GAREM1: variants seen among roughly 807,000 people sequenced by gnomAD.
GAREM1 encodes GRB2 associated regulator of MAPK1 subtype 1.
A neutral mutation model predicts 71.3 loss-of-function variants in GAREM1; 26 were observed. That is an observed-to-expected ratio of 0.36 (90% CI 0.27 to 0.51). GAREM1 has a LOEUF of 0.51. GAREM1 is among the 20% of genes least tolerant of loss of function. The probability of loss-of-function intolerance (pLI) is 0.95; values close to 1 mark genes in which losing one functional copy is unlikely to be tolerated. For synonymous variants in GAREM1, 440 were observed against 433.2 expected, an observed-to-expected ratio of 1.02 and a Z score of -0.20; for missense variants, 1,026 against 1,103.1, an observed-to-expected ratio of 0.93 and a Z score of 0.99.
chr18:32,447,164 G>A lies in GAREM1; in HGVS notation c.121+23144C>T, dbSNP rs117995053. On this transcript the variant is annotated intron_variant, in intron 1 of 5. Transcript: ENST00000269209. The stretch of plus-strand genomic sequence containing the variant: ...ATCACCACCTAATTTACATTCAGTA[G>A]GAAGCTGTGCGTGGGTTTCTGATAA... Among the ~76,000 whole-genome samples, 649 of 152,282 alleles carry A rather than the reference G, an allele frequency of 4.3e-3. 3 individuals carry two copies. Among genetic ancestry groups the A allele is most frequent in the Non-Finnish European group, 6.6e-3 (450 of 68,030 alleles).
intron 1 of GAREM1, among the ~76,000 whole-genome samples, chr18:32,469,011 C>G (rs141202037): frequency 0.014 from 1,877 of 138,918 alleles, 53 homozygotes; most frequent in African/African-American, 0.047. Flanking sequence ...GTGATCTGCA[C>G]TTCATTACTA....
intron 1 of GAREM1, among the ~76,000 whole-genome samples, chr18:32,437,800 T>C (rs1377686984): frequency 1.3e-5 from 2 of 152,180 alleles, no homozygotes; most frequent in African/African-American, 2.4e-5. Context: ...CAATAGCAAA[T>C]ATAAGTTTTA....
intron 2 of GAREM1, among the ~76,000 whole-genome samples, chr18:32,317,264 G>C (rs667247): frequency 0.082 from 12,516 of 152,094 alleles, 552 homozygotes; most frequent in South Asian, 0.11. Flanking sequence ...AATCAGCCTA[G>C]AGTGGTGGCA....
At chr18:32,322,543 T>C (rs2047439484) in intron 2 of GAREM1, among the ~76,000 whole-genome samples, 1 of 152,274 alleles carries the variant, frequency 6.6e-6, no homozygotes, top group Non-Finnish European at 1.5e-5. Flanking sequence ...CTGCATTATC[T>C]ACAGATTTTT....
chr18:32,437,901 C>A (rs192332094), intron 1 of GAREM1, among the ~76,000 whole-genome samples: 41 of 152,222 alleles, frequency 2.7e-4, no homozygotes, highest in Admixed American at 1.6e-3. Flanking sequence ...CTGAGCTTAC[C>A]TTTAAGCAGC....
intron 1 of GAREM1, chr18:32,412,087 A>G (rs959670422): frequency 3.5e-5 from 25 of 723,580 alleles, no homozygotes; most frequent in Non-Finnish European, 5.4e-5. Flanking sequence ...TTTGTCTAAA[A>G]CATGTCTTCT....
chr18:32,374,958 A>G (rs9963404), intron 2 of GAREM1, among the ~76,000 whole-genome samples: 7,556 of 152,256 alleles, frequency 0.05, 615 homozygotes, highest in African/African-American at 0.17. Flanking sequence ...CTTAGAGATC[A>G]GATACCATTT....
chr18:32,351,785 T>C (rs1355688235), intron 2 of GAREM1, among the ~76,000 whole-genome samples: 1 of 152,012 alleles, frequency 6.6e-6, no homozygotes. Context: ...CATGACTTGA[T>C]ACCAAGGTTT....
At position 32,287,487 on chromosome 18, in the gene GAREM1, A is replaced by G; in HGVS notation, c.1110T>C (p.Asn370=). The change falls in exon 4 of 6, where the codon AAT becomes AAC. Residue 370 remains asparagine, a synonymous_variant. Coordinates refer to ENST00000269209, the MANE Select transcript of GAREM1 (RefSeq NM_001242409.2). The surrounding 1 kb of genome is among the most constrained non-coding windows in gnomAD (Gnocchi z 5.9). The part of the protein sequence containing the change: ...GRCSGHNHVP[N]SLSYARDELT... ...GCTCATCGCGGGCGTAGCTGAGCGA[A>G]TTGGGCACGTGGTTGTGGCCAGAGC... 1 of 1,614,200 alleles carries G rather than the reference A, an allele frequency of 6.2e-7. No individual in the cohort carries two copies. The highest frequency in any genetic ancestry group is 1.1e-5 in the South Asian group (1 of 91,078).
intron 1 of GAREM1, among the ~76,000 whole-genome samples, chr18:32,453,861 T>C (rs1013961733): frequency 2.6e-5 from 4 of 152,052 alleles, no homozygotes; most frequent in Admixed American, 6.6e-5. Context: ...CAAGGCTCTA[T>C]TGAACACCTA....
At chr18:32,459,801 A>G (rs888821425) in intron 1 of GAREM1, among the ~76,000 whole-genome samples, 1 of 152,156 alleles carries the variant, frequency 6.6e-6, no homozygotes, top group Non-Finnish European at 1.5e-5. Context: ...CATTGCTGCT[A>G]AAAGAAGACA....
chr18:32,305,454 C>T (rs2144508845), intron 3 of GAREM1, among the ~76,000 whole-genome samples: 1 of 152,328 alleles, frequency 6.6e-6, no homozygotes, highest in African/African-American at 2.4e-5. Context: ...ATATCTATCT[C>T]ATAAGTCCAG....
At chr18:32,404,019 T>C (rs190219684) in intron 1 of GAREM1, among the ~76,000 whole-genome samples, 4 of 152,332 alleles carry the variant, frequency 2.6e-5, no homozygotes, top group East Asian at 1.9e-4. Flanking sequence ...GACCATAACA[T>C]GCTGTTAGTC....
intron 1 of GAREM1, among the ~76,000 whole-genome samples, chr18:32,461,154 A>G (rs1271886709): frequency 6.6e-6 from 1 of 152,212 alleles, no homozygotes; most frequent in African/African-American, 2.4e-5. Context: ...AGACTTGCAG[A>G]GCTCATACAC....
intron 4 of GAREM1, among the ~76,000 whole-genome samples, chr18:32,278,530 C>CAA (rs1214564099): frequency 1.3e-5 from 2 of 152,118 alleles, no homozygotes; most frequent in Non-Finnish European, 2.9e-5. Flanking sequence ...CCTAAAAAGC[C>CAA]AAATGCAGGA....
chr18:32,411,804 A>C (rs1279137014), intron 1 of GAREM1, among the ~76,000 whole-genome samples: 1 of 152,088 alleles, frequency 6.6e-6, no homozygotes, highest in Non-Finnish European at 1.5e-5. Flanking sequence ...ACCCTGAAGG[A>C]ATTCTAACTT....
intron 1 of GAREM1, among the ~76,000 whole-genome samples, chr18:32,459,303 ACT>A (rs1422764686): frequency 2.0e-5 from 3 of 151,670 alleles, no homozygotes; most frequent in Non-Finnish European, 4.4e-5. Flanking sequence ...AACAAAATAA[ACT>A]CTCTGTGTTG....
At chr18:32,397,054 CTAAGA>C (rs2048264549) in intron 1 of GAREM1, among the ~76,000 whole-genome samples, 1 of 151,766 alleles carries the variant, frequency 6.6e-6, no homozygotes, top group Non-Finnish European at 1.5e-5. Flanking sequence ...TCTAGTCAAA[CTAAGA>C]TAAGTGAAGG....
At position 32,283,153 on chromosome 18, in the gene GAREM1, GAA is replaced by G. The variant is rs1198390245; in HGVS notation, c.1566+3876_1566+3877del. On this transcript the variant is annotated intron_variant, in intron 4 of 5. Coordinates refer to ENST00000269209, the MANE Select transcript of GAREM1 (RefSeq NM_001242409.2). ...AGGGGTTGCATCTTGTCTATTTCTT[GAA>G]CCAGGAACTGTTTACTTTTCCCTGG... Among the ~76,000 whole-genome samples, 12 of 152,342 alleles carry G rather than the reference GAA, an allele frequency of 7.9e-5. No homozygotes were observed. In the East Asian group the frequency reaches 2.3e-3, roughly 29 times the overall value.
Sources: gnomAD v4.1 joint callset for allele counts (sites outside exome capture counted in the v4.1 genomes callset) on GRCh38, gnomAD v4.1.1 for gene constraint, Gnocchi (gnomAD v3.1) non-coding constraint, MANE v1.5 for transcripts, NCBI Gene and HGNC (gene_info 2026-07-23, HGNC 2026-07-21) for gene names.